The following SOX6 variants were observed in gnomAD, a reference collection of about 807,000 sequenced individuals.
SOX6 encodes SRY-box transcription factor 6, also known as transcription factor SOX-6.
Under a neutral mutation model 97.8 loss-of-function variants are expected in SOX6, and 11 were observed. The observed-to-expected ratio is 0.11, with a 90% confidence interval of 0.07 to 0.19. The LOEUF is 0.19. Ranked by LOEUF, SOX6 falls within the 10% of genes least tolerant of loss-of-function variation. The pLI is 1.00. For missense variants in SOX6, 810 were observed against 1,039.5 expected (o/e 0.78, Z 3.04); for synonymous variants, 360 against 371.4 (o/e 0.97, Z 0.35).
At chr11:16,706,289 G>A (rs1460176104) in intron 3 of SOX6, among the ~76,000 whole-genome samples, 3 of 146,098 alleles carry the variant, frequency 2.1e-5, no homozygotes, top group Non-Finnish European at 4.5e-5. Flanking sequence ...AAAAAAAAAA[G>A]TTTTTTTAAT....
chr11:16,008,739 G>C (rs928036587), intron 13 of SOX6, among the ~76,000 whole-genome samples: 4 of 152,088 alleles, frequency 2.6e-5, no homozygotes, highest in African/African-American at 9.7e-5. Context: ...GCTTGTTTAA[G>C]AGAGCTGCAC....
intron 4 of SOX6, among the ~76,000 whole-genome samples, chr11:16,529,765 C>T (rs1861213729): frequency 1.3e-5 from 2 of 151,882 alleles, no homozygotes; most frequent in Admixed American, 6.6e-5. Flanking sequence ...TATCAGTGGA[C>T]TATTCTAGTT....
chr11:16,684,185 G>T (rs1346913429), intron 3 of SOX6, among the ~76,000 whole-genome samples: 1 of 152,136 alleles, frequency 6.6e-6, no homozygotes, highest in African/African-American at 2.4e-5. Flanking sequence ...ATTCCTCAAG[G>T]ATCTAGAACT....
At chr11:16,676,067 A>C (rs886630801) in intron 3 of SOX6, among the ~76,000 whole-genome samples, 1 of 144,950 alleles carries the variant, frequency 6.9e-6, no homozygotes, top group African/African-American at 2.4e-5. Flanking sequence ...TAACAGTCCC[A>C]CAGGTTTCTG....
intron 3 of SOX6, among the ~76,000 whole-genome samples, chr11:16,283,027 A>G (rs1177223816): frequency 3.1e-5 from 3 of 96,762 alleles, no homozygotes; most frequent in Non-Finnish European, 7.3e-5. Flanking sequence ...GAGTATATAT[A>G]TATATATATA....
chr11:16,045,123 A>G (rs978256757), intron 12 of SOX6, among the ~76,000 whole-genome samples: 1 of 152,190 alleles, frequency 6.6e-6, no homozygotes, highest in Non-Finnish European at 1.5e-5. Flanking sequence ...AGAAATACTT[A>G]AAATTAATCT....
At chr11:16,147,359 G>A (rs932915558) in intron 6 of SOX6, among the ~76,000 whole-genome samples, 6 of 152,096 alleles carry the variant, frequency 3.9e-5, no homozygotes, top group African/African-American at 1.4e-4. Flanking sequence ...TTGTGGGGTG[G>A]GGGAGGAGGG....
chr11:16,077,951 G>A (rs1848394352), intron 9 of SOX6, among the ~76,000 whole-genome samples: 1 of 152,108 alleles, frequency 6.6e-6, no homozygotes, highest in Non-Finnish European at 1.5e-5. Context: ...AAAAAAGGTG[G>A]AGATGAAATA....
intron 4 of SOX6, among the ~76,000 whole-genome samples, chr11:16,222,571 T>G (rs1387930593): frequency 6.6e-6 from 1 of 152,116 alleles, no homozygotes; most frequent in Non-Finnish European, 1.5e-5. Flanking sequence ...CTTTTAAATT[T>G]TCTCGTTTAA....
At chr11:16,001,814 G>A (rs933154902) in intron 13 of SOX6, among the ~76,000 whole-genome samples, 3 of 152,200 alleles carry the variant, frequency 2.0e-5, no homozygotes, top group Admixed American at 6.5e-5. Flanking sequence ...ACAGGATTAT[G>A]AGCAAGTGTT....
chr11:16,059,791 T>C (rs1370034231), intron 9 of SOX6, among the ~76,000 whole-genome samples: 6 of 151,996 alleles, frequency 3.9e-5, no homozygotes, highest in Admixed American at 3.9e-4. Flanking sequence ...GTTTCTCTTT[T>C]ACTCTGTTGT....
chr11:16,475,224 T>C (rs1299704921), intron 1 of SOX6, among the ~76,000 whole-genome samples: 2 of 152,208 alleles, frequency 1.3e-5, no homozygotes, highest in African/African-American at 4.8e-5. Flanking sequence ...TTTGCTTTCT[T>C]ATCATTCATA....
intron 9 of SOX6, among the ~76,000 whole-genome samples, chr11:16,091,769 A>G (rs1413753056): frequency 2.0e-5 from 3 of 151,934 alleles, no homozygotes; most frequent in Non-Finnish European, 2.9e-5. Context: ...CCCCTAAACT[A>G]CACATAAGAC....
chr11:16,209,554 G>A (rs935461629), intron 4 of SOX6, among the ~76,000 whole-genome samples: 6 of 152,126 alleles, frequency 3.9e-5, no homozygotes, highest in African/African-American at 7.2e-5. Flanking sequence ...GCAGGAGTTG[G>A]AGACTAGCCT....
chr11:16,317,364 A>T (rs1173143252), intron 3 of SOX6: 1 of 151,838 alleles, frequency 6.6e-6, no homozygotes. Flanking sequence ...AATCCTCAAA[A>T]TGTTTAAGTT....
chr11:16,136,208 C>A (rs567468454), intron 6 of SOX6, among the ~76,000 whole-genome samples: 3 of 151,854 alleles, frequency 2.0e-5, no homozygotes, highest in African/African-American at 7.3e-5. Flanking sequence ...TTAGTAGAGA[C>A]GGGGTTTCAC....
chr11:16,211,184 G>A (rs1852217105), intron 4 of SOX6, among the ~76,000 whole-genome samples: 1 of 152,118 alleles, frequency 6.6e-6, no homozygotes, highest in Admixed American at 6.5e-5. Flanking sequence ...TATGTATCTT[G>A]ATAGGATGTT....
chr11:16,567,723 C>G (rs571696159), intron 4 of SOX6, among the ~76,000 whole-genome samples: 2 of 138,186 alleles, frequency 1.4e-5, no homozygotes, highest in African/African-American at 5.5e-5. Context: ...CATGCCACCA[C>G]GCCTGGCTGA....
At chr11:16,353,754 G>C (rs1175249603) in intron 1 of SOX6, among the ~76,000 whole-genome samples, 1 of 151,916 alleles carries the variant, frequency 6.6e-6, no homozygotes, top group East Asian at 1.9e-4. Context: ...ATACTTAAGG[G>C]ATTCTTTACC....
Sources: allele counts gnomAD v4.1 joint callset (sites outside exome capture counted in the v4.1 genomes callset), GRCh38; gene constraint gnomAD v4.1.1; transcripts MANE v1.5; gene names NCBI Gene and HGNC (gene_info 2026-07-23, HGNC 2026-07-21).